Variants in CLASP1 observed in about 807,000 individuals in gnomAD.
CLASP1 encodes the protein cytoplasmic linker associated protein 1, also known as CLIP-associating protein 1.
Under a neutral mutation model 192.3 loss-of-function variants are expected in CLASP1, and 38 were observed. The observed-to-expected ratio is 0.20, with a 90% confidence interval of 0.15 to 0.26. The LOEUF (loss-of-function observed/expected upper bound fraction) is 0.26, where lower values mean the gene tolerates loss of function less well. CLASP1 is among the 10% of genes least tolerant of loss of function. The probability of loss-of-function intolerance (pLI) is 1.00; values close to 1 mark genes in which losing one functional copy is unlikely to be tolerated. For missense variants in CLASP1, 1,433 were observed against 1,932.5 expected (o/e 0.74, Z 4.85); for synonymous variants, 691 against 712.8 (o/e 0.97, Z 0.49).
chr2:121,356,087 G>A (rs1244010807), intron 37 of CLASP1, among the ~76,000 whole-genome samples: 1 of 151,940 alleles, frequency 6.6e-6, no homozygotes, highest in Non-Finnish European at 1.5e-5. Context: ...TGTTTTTTAG[G>A]TTCACAAGGT....
intron 34 of CLASP1, among the ~76,000 whole-genome samples, chr2:121,368,479 T>C (rs1228430561): frequency 6.6e-6 from 1 of 152,148 alleles, no homozygotes; most frequent in African/African-American, 2.4e-5. Context: ...ATTCTGAATG[T>C]TGTCTTCAAC....
intron 8 of CLASP1, among the ~76,000 whole-genome samples, chr2:121,478,775 A>ACACCCCACACC (rs2092096065): frequency 2.4e-5 from 1 of 41,528 alleles, no homozygotes; most frequent in African/African-American, 1.2e-4. Context: ...CACACCCCAC[A>ACACCCCACACC]CACACACCCC....
intron 2 of CLASP1, among the ~76,000 whole-genome samples, chr2:121,576,331 A>G (rs901784406): frequency 6.6e-6 from 1 of 152,264 alleles, no homozygotes; most frequent in Non-Finnish European, 1.5e-5. Context: ...AATGCCCAGC[A>G]GGAACAGATC....
intron 34 of CLASP1, among the ~76,000 whole-genome samples, chr2:121,370,407 C>A (rs2068387378): frequency 6.6e-6 from 1 of 152,122 alleles, no homozygotes; most frequent in Non-Finnish European, 1.5e-5. Context: ...CTCACTGCAA[C>A]CTCCGCCTTC....
intron 2 of CLASP1, among the ~76,000 whole-genome samples, chr2:121,599,330 C>G (rs189021394): frequency 2.0e-4 from 30 of 150,364 alleles, no homozygotes; most frequent in Admixed American, 9.3e-4. Flanking sequence ...TGGCTCACAA[C>G]TGTAATCCCA....
In CLASP1 at chr2:121,594,021, T is replaced by C. The variant is rs112899609; in HGVS notation, c.195+11680A>G. ...AAAACTCCGTCTCAAAAAAAAGGCCTGGCGCGGTGGCTCACGCCTGTAATC... is the reference window on the plus strand; with the variant it reads ...AAAACTCCGTCTCAAAAAAAAGGCCCGGCGCGGTGGCTCACGCCTGTAATC... On this transcript the variant is annotated intron_variant, in intron 2 of 39. Transcript: ENST00000263710. Among the ~76,000 whole-genome samples the C allele has an allele frequency of 7.7e-3, 899 of 116,856 alleles. 2 individuals carry two copies. The highest frequency in any genetic ancestry group is 0.012 in the Non-Finnish European group (676 of 55,592). The allele number at this position is 116,856 out of a possible 152,430, so 76.7% of individuals were successfully genotyped here. A position where few individuals can be genotyped will look rare whatever the true frequency, so the allele number is the denominator to read the frequency against.
intron 7 of CLASP1, among the ~76,000 whole-genome samples, chr2:121,511,162 T>G (rs1043548814): frequency 2.6e-5 from 4 of 152,244 alleles, no homozygotes; most frequent in Admixed American, 1.3e-4. Context: ...AATCATAGTT[T>G]ACCAAATATT....
intron 30 of CLASP1, 167 bp from the exon 32 acceptor site, chr2:121,388,073 T>C: frequency 1.9e-6 from 1 of 538,618 alleles, no homozygotes; most frequent in Non-Finnish European, 3.2e-6. Context: ...TCACAAGCAG[T>C]CTGACTTCAA....
At chr2:121,570,622 G>C (rs1389257614) in intron 2 of CLASP1, among the ~76,000 whole-genome samples, 1 of 152,220 alleles carries the variant, frequency 6.6e-6, no homozygotes, top group Non-Finnish European at 1.5e-5. Context: ...AAAGGCAAGA[G>C]AGGGTGAGTG....
At chr2:121,573,523 G>A (rs1273188070) in intron 2 of CLASP1, among the ~76,000 whole-genome samples, 2 of 152,162 alleles carry the variant, frequency 1.3e-5, no homozygotes, top group Non-Finnish European at 2.9e-5. Flanking sequence ...CATTGTCTAA[G>A]TTAATTCTCT....
intron 7 of CLASP1, among the ~76,000 whole-genome samples, chr2:121,514,085 A>C (rs2094218106): frequency 6.6e-6 from 1 of 152,206 alleles, no homozygotes; most frequent in Non-Finnish European, 1.5e-5. Flanking sequence ...GTCTCAGGCC[A>C]GCTGCATTAA....
intron 21 of CLASP1, among the ~76,000 whole-genome samples, chr2:121,425,578 T>C (rs1362383785): frequency 6.6e-6 from 1 of 152,214 alleles, no homozygotes; most frequent in Admixed American, 6.5e-5. Context: ...TGTTTATTCT[T>C]ATTTTGTTTT....
At chr2:121,438,204 C>T (rs949488986) in intron 19 of CLASP1, among the ~76,000 whole-genome samples, 1 of 152,164 alleles carries the variant, frequency 6.6e-6, no homozygotes, top group African/African-American at 2.4e-5. Context: ...CTGGCAGGCA[C>T]CCTTGGGGGC....
rs2058933367 is a variant in CLASP1, at chr2:121,559,943, G to C, written c.196-29618C>G. On this transcript the variant is annotated intron_variant, in intron 2 of 39. Coordinates refer to ENST00000263710, the Ensembl canonical transcript of CLASP1. ...TAATGAAATGTGGTATCCTGGACTG[G>C]ATCCAAGAAAAGAAAAAAGACATTA... Among the ~76,000 whole-genome samples the C allele has an allele frequency of 4.0e-5, 6 of 151,828 alleles. No homozygotes were observed. In the South Asian group the frequency reaches 1.2e-3, roughly 32 times the overall value.
At chr2:121,476,467 A>T (rs957101170) in intron 8 of CLASP1, among the ~76,000 whole-genome samples, 1 of 152,228 alleles carries the variant, frequency 6.6e-6, no homozygotes, top group African/African-American at 2.4e-5. Context: ...TGGTGTCTGG[A>T]ACTTGTAATT....
At chr2:121,348,160 G>A (rs2063714274) in intron 38 of CLASP1, among the ~76,000 whole-genome samples, 1 of 152,062 alleles carries the variant, frequency 6.6e-6, no homozygotes, top group Non-Finnish European at 1.5e-5. Flanking sequence ...CAAGGACCAT[G>A]GTTTGATTTA....
At chr2:121,517,857 G>GTTTT (rs1559495604) in intron 6 of CLASP1, among the ~76,000 whole-genome samples, 111 of 60,642 alleles carry the variant, frequency 1.8e-3, no homozygotes, top group African/African-American at 0.013. Context: ...CAAGACTCAA[G>GTTTT]CTTTTTTTTT....
chr2:121,531,230 T>TGAGTCAGCCCAGTATAAG (rs1181436922), intron 2 of CLASP1, among the ~76,000 whole-genome samples: 2 of 152,150 alleles, frequency 1.3e-5, no homozygotes, highest in Admixed American at 1.3e-4. Flanking sequence ...TTCCTTATGC[T>TGAGTCAGCCCAGTATAAG]GAGTCAGCCC....
chr2:121,628,109 G>A (rs1444409847), intron 1 of CLASP1, among the ~76,000 whole-genome samples: 1 of 152,044 alleles, frequency 6.6e-6, no homozygotes, highest in African/African-American at 2.4e-5. Context: ...TTAGGACACT[G>A]CTTTTACTAA....
Sources: gnomAD v4.1 joint callset for allele counts (sites outside exome capture counted in the v4.1 genomes callset) on GRCh38, gnomAD v4.1.1 for gene constraint, MANE v1.5 for transcripts, NCBI Gene and HGNC (gene_info 2026-07-23, HGNC 2026-07-21) for gene names.